Variants in DGKB observed in about 807,000 individuals in gnomAD.
The protein encoded by DGKB is diacylglycerol kinase beta.
A neutral mutation model predicts 114.3 loss-of-function variants in DGKB; 67 were observed. The ratio of observed to expected loss-of-function variants is 0.59; its 90% CI spans 0.48 to 0.72. The LOEUF (loss-of-function observed/expected upper bound fraction) is 0.72, where lower values mean the gene tolerates loss of function less well. Among genes scored for constraint, DGKB ranks in the 30% least tolerant of loss-of-function variants. DGKB has a pLI of 0.00. For synonymous variants in DGKB, 398 were observed against 323.1 expected (o/e 1.23, Z -2.49); for missense variants, 907 against 975.2 (o/e 0.93, Z 0.93).
Position 14,736,081 on chromosome 7 carries a change from A to C in DGKB, c.282T>G (p.Ser94=). The part of the protein sequence containing the change: ...FMSFSNKFPH[S]SPMVKSKPAL... ...CAGGCTTACTTTTTACCATTGGACT[A>C]GAATGAGGAAACTTGTTGCTAAATG... Residue 94 remains serine (S), a synonymous_variant, in exon 5 of 26, where the codon TCT becomes TCG. Coordinates refer to ENST00000402815, the MANE Select transcript of DGKB (RefSeq NM_001350709.2). 6.2e-7 allele frequency: 1 copy of C among 1,610,134 alleles called. No homozygotes were observed. The highest frequency in any genetic ancestry group is 8.5e-7 in the Non-Finnish European group (1 of 1,177,720).
intron 23 of DGKB, among the ~76,000 whole-genome samples, chr7:14,232,343 C>T (rs1792019401): frequency 2.0e-5 from 3 of 149,326 alleles, no homozygotes; most frequent in Non-Finnish European, 4.4e-5. Context: ...GCTCGAAATT[C>T]CTTGCCCACA....
At chr7:14,340,386 T>G (rs548496001) in intron 22 of DGKB, among the ~76,000 whole-genome samples, 7 of 151,644 alleles carry the variant, frequency 4.6e-5, no homozygotes, top group Admixed American at 4.0e-4. Context: ...GGCCTCCCAC[T>G]GTCTTCAAGT....
At chr7:14,814,959 T>C (rs117076241) in intron 2 of DGKB, among the ~76,000 whole-genome samples, 129 of 152,356 alleles carry the variant, frequency 8.5e-4, no homozygotes, top group Non-Finnish European at 1.4e-3. Flanking sequence ...TACAGCATTT[T>C]ATAGTTTCTC....
At chr7:14,957,464 G>C (rs1348902351) in intron 1 of DGKB, among the ~76,000 whole-genome samples, 2 of 151,942 alleles carry the variant, frequency 1.3e-5, no homozygotes, top group Non-Finnish European at 2.9e-5. Flanking sequence ...GATAATATAA[G>C]AAGCTGAGAG....
chr7:14,906,447 C>CATTTT (rs1783708750), upstream of DGKB, among the ~76,000 whole-genome samples: 1 of 103,882 alleles, frequency 9.6e-6, no homozygotes, highest in Non-Finnish European at 2.0e-5. Flanking sequence ...TTTTTTCTGT[C>CATTTT]TTTTTTTTTT....
chr7:14,904,457 A>C (rs217601), upstream of DGKB, among the ~76,000 whole-genome samples: 15,274 of 152,202 alleles, frequency 0.1, 1,094 homozygotes, highest in Middle Eastern at 0.16. Context: ...CGGAAGAAAG[A>C]AAATATAAGA....
chr7:14,195,534 A>C (rs1279001265), intron 23 of DGKB, among the ~76,000 whole-genome samples: 1 of 152,204 alleles, frequency 6.6e-6, no homozygotes, highest in East Asian at 1.9e-4. Context: ...GGGCAGTGCC[A>C]ACATTACTTT....
At chr7:14,160,264 G>A (rs1383396139) in intron 25 of DGKB, among the ~76,000 whole-genome samples, 1 of 152,142 alleles carries the variant, frequency 6.6e-6, no homozygotes, top group Non-Finnish European at 1.5e-5. Flanking sequence ...AGTATTGGAA[G>A]TTCTAGCCAG....
intron 2 of DGKB, among the ~76,000 whole-genome samples, chr7:14,771,011 G>A (rs1837324644): frequency 2.0e-5 from 3 of 151,974 alleles, no homozygotes; most frequent in Admixed American, 2.0e-4. Flanking sequence ...GGGGGTATCT[G>A]AAGGAACTCC....
intron 14 of DGKB, among the ~76,000 whole-genome samples, chr7:14,629,440 T>C (rs1422805927): frequency 2.0e-5 from 3 of 151,966 alleles, no homozygotes; most frequent in Admixed American, 2.0e-4. Flanking sequence ...AAAAGAGCAG[T>C]TATGACACTT....
chr7:14,383,595 G>C (rs562499793), intron 21 of DGKB, among the ~76,000 whole-genome samples: 7 of 152,128 alleles, frequency 4.6e-5, no homozygotes, highest in Non-Finnish European at 1.0e-4. Context: ...TCCAAAGTGG[G>C]TTCTTTTGCT....
intron 1 of DGKB, among the ~76,000 whole-genome samples, chr7:14,933,177 A>G (rs941818244): frequency 1.4e-4 from 22 of 152,130 alleles, no homozygotes; most frequent in African/African-American, 4.8e-4. Context: ...CTTACAATAA[A>G]TCTTTGTTTC....
At chr7:14,563,599 T>C (rs562044350) in intron 20 of DGKB, among the ~76,000 whole-genome samples, 1 of 151,778 alleles carries the variant, frequency 6.6e-6, no homozygotes. Context: ...AGTATCTTTA[T>C]AAGAGTTATT....
At chr7:14,868,667 C>T (rs1421848144) in intron 1 of DGKB, among the ~76,000 whole-genome samples, 2 of 152,096 alleles carry the variant, frequency 1.3e-5, no homozygotes, top group Non-Finnish European at 2.9e-5. Context: ...CATCATTTTA[C>T]CTATAATGAG....
chr7:14,866,878 C>T (rs1267344129), intron 1 of DGKB, among the ~76,000 whole-genome samples: 1 of 152,144 alleles, frequency 6.6e-6, no homozygotes, highest in Non-Finnish European at 1.5e-5. Flanking sequence ...TTCTCCACAT[C>T]CTTAATAGCG....
At chr7:14,373,713 C>G (rs149155535) in intron 21 of DGKB, among the ~76,000 whole-genome samples, 16 of 152,218 alleles carry the variant, frequency 1.1e-4, no homozygotes, top group African/African-American at 3.9e-4. Context: ...CAATTCAGAA[C>G]AAGCAGTAGA....
At chr7:14,307,170 T>C (rs1804622678) in intron 23 of DGKB, among the ~76,000 whole-genome samples, 1 of 152,174 alleles carries the variant, frequency 6.6e-6, no homozygotes, top group African/African-American at 2.4e-5. Context: ...GGATAAATAA[T>C]TGAGGGTTAC....
intron 20 of DGKB, among the ~76,000 whole-genome samples, chr7:14,532,318 A>C (rs1791731620): frequency 6.6e-6 from 1 of 151,438 alleles, no homozygotes; most frequent in African/African-American, 2.4e-5. Flanking sequence ...GAATGGACTA[A>C]CACATGAATC....
chr7:14,359,275 C>T (rs182821798), intron 21 of DGKB, among the ~76,000 whole-genome samples: 7 of 152,102 alleles, frequency 4.6e-5, no homozygotes, highest in Admixed American at 3.9e-4. Flanking sequence ...ATGGAGAAAG[C>T]GGAAACTGGA....
Sources: allele counts gnomAD v4.1 joint callset (sites outside exome capture counted in the v4.1 genomes callset), GRCh38; gene constraint gnomAD v4.1.1; transcripts MANE v1.5; gene names NCBI Gene and HGNC (gene_info 2026-07-23, HGNC 2026-07-21).